C5: variants seen among roughly 807,000 people sequenced by gnomAD.
C5 encodes C3 and PZP-like alpha-2-macroglobulin domain-containing protein 4.
A neutral mutation model predicts 218.8 loss-of-function variants in C5; 140 were observed. That is an observed-to-expected ratio of 0.64 (90% confidence interval 0.56 to 0.74). The LOEUF is 0.74. C5 is among the 30% of genes least tolerant of loss of function. The probability of loss-of-function intolerance (pLI) is 0.00; values close to 1 mark genes in which losing one functional copy is unlikely to be tolerated. For missense variants in C5, 1,700 were observed against 1,969.6 expected (o/e 0.86, Z 2.59); for synonymous variants, 614 against 682.3 (o/e 0.90, Z 1.56).
chr9:121,050,210 G>A lies in C5; in HGVS notation c.37C>T (p.Leu13=). The change falls in exon 1 of 41, where the codon CTG becomes TTG. Residue 13 remains leucine, a synonymous_variant. Transcript: ENST00000223642. ...TGCTCCTGTCCCCAGGTTTTCCCCAGGAAGATTAAAAAACAAAGTATTCCC... is the reference window on the plus strand; with the variant it reads ...TGCTCCTGTCCCCAGGTTTTCCCCAAGAAGATTAAAAAACAAAGTATTCCC... ...LLGILCFLIF[L]GKTWGQEQTY... The A allele has an allele frequency of 1.2e-6, 2 of 1,613,854 alleles. No individual in the cohort carries two copies. Among genetic ancestry groups the A allele is most frequent in the Non-Finnish European group, 1.7e-6 (2 of 1,179,844 alleles).
chr9:121,007,480 G>A lies in C5; in HGVS notation c.2349-503C>T, dbSNP rs150435628. ...GCTCTCAGGCAGTTTACAATCTAGT[G>A]GAAGAAATAGTTAAGTAAATAAATT... On this transcript the variant is annotated intron_variant, in intron 18 of 40. Transcript: ENST00000223642. 2.3e-3 allele frequency among the ~76,000 whole-genome samples: 357 copies of A among 152,198 alleles called. 2 individuals are homozygous for A. Among genetic ancestry groups the A allele is most frequent in the African/African-American group, 8.3e-3 (343 of 41,522 alleles).
chr9:121,024,879 T>C (rs957648992), intron 9 of C5, among the ~76,000 whole-genome samples: 2 of 152,256 alleles, frequency 1.3e-5, no homozygotes, highest in Non-Finnish European at 2.9e-5. Flanking sequence ...CAAGCCTGTC[T>C]GTTTGGCAAT....
At chr9:121,030,168 TTTTC>T (rs1261744048) in intron 7 of C5, among the ~76,000 whole-genome samples, 1 of 152,236 alleles carries the variant, frequency 6.6e-6, no homozygotes, top group Non-Finnish European at 1.5e-5. Context: ...TCTTTGGCAC[TTTTC>T]TTTGTTTTTG....
chr9:120,971,990 CACCTG>C lies in C5; in HGVS notation c.4018-3_4019del. 6.2e-7 allele frequency: 1 copy of C among 1,610,320 alleles called. No homozygotes were observed. The highest frequency in any genetic ancestry group is 8.5e-7 in the Non-Finnish European group (1 of 1,178,754). Reference sequence around the variant, plus strand: ...TGACAATGAGGTCATCATTGAGAAGCACCTGGAAAGATAATAGAGAAACAAACCAT... The same window carrying C: ...TGACAATGAGGTCATCATTGAGAAGCGAAAGATAATAGAGAAACAAACCAT... On this transcript the variant is annotated splice_acceptor_variant and splice_polypyrimidine_tract_variant and coding_sequence_variant and intron_variant, in exon 31 of 41. Transcript: ENST00000223642. LOFTEE classifies it high-confidence loss of function.
chr9:120,993,222 G>C lies in C5; in HGVS notation c.2852-1942C>G, dbSNP rs1272926733. On this transcript the variant is annotated intron_variant, in intron 22 of 40. Coordinates refer to ENST00000223642, the MANE Select transcript of C5 (RefSeq NM_001735.3). ...TAATGGAAGTATAACCATTCTGAAG[G>C]GCAATATGACAGGACTAAATGGCAT... Among the ~76,000 whole-genome samples the C allele has an allele frequency of 2.6e-5, 4 of 152,098 alleles. No individual in the cohort carries two copies. In the East Asian group the frequency reaches 7.7e-4, roughly 29 times the overall value.
chr9:120,979,942 T>C, intron 28 of C5, 141 bp downstream of exon 28: 1 of 719,612 alleles, frequency 1.4e-6, no homozygotes, highest in Non-Finnish European at 2.5e-6. Context: ...CGGCACACAT[T>C]ACATCGTATT....
At chr9:121,007,154 CTT>C (rs1385461131) in intron 18 of C5, among the ~76,000 whole-genome samples, 177 bp from the exon 19 acceptor site, 1 of 152,166 alleles carries the variant, frequency 6.6e-6, no homozygotes. Flanking sequence ...CAGTAACTCT[CTT>C]ATATATTGCA....
chr9:121,000,037 C>A (rs773478578), intron 20 of C5: 8 of 267,148 alleles, frequency 3.0e-5, no homozygotes, highest in African/African-American at 7.6e-5. Context: ...CCAGCCTGGG[C>A]GACAGGGCGA....
chr9:121,043,609 G>A (rs1485535960), intron 2 of C5, among the ~76,000 whole-genome samples: 3 of 150,438 alleles, frequency 2.0e-5, no homozygotes, highest in African/African-American at 4.9e-5. Flanking sequence ...CTCAGCTCAC[G>A]ACAACCTCTG....
At position 120,982,689 on chromosome 9, in the gene C5, T is replaced by C. The variant is rs142341763; in HGVS notation, c.3356A>G (p.Lys1119Arg). 1.7e-4 allele frequency: 268 copies of C among 1,608,686 alleles called. No individual in the cohort carries two copies. In the African/African-American group the frequency reaches 2.9e-3, roughly 18 times the overall value. Residue 1119 changes from lysine to arginine, a missense_variant, in exon 26 of 41, where the codon AAG becomes AGG. Transcript: ENST00000223642. ...TATTGGTTGATACTGTGAATTTTCC[T>C]TGAAAGATCCATTATCTAATTGATA... ...ENYQLDNGSF[K>R]ENSQYQPIKL...
chr9:121,068,396 A>T, the C5 span, among the ~76,000 whole-genome samples: 1 of 152,330 alleles, frequency 6.6e-6, no homozygotes, highest in Non-Finnish European at 1.5e-5. Flanking sequence ...GCTATTAAAA[A>T]AACACCTAGG....
intron 34 of C5, among the ~76,000 whole-genome samples, chr9:120,963,362 C>G (rs2046841840): frequency 6.6e-6 from 1 of 151,978 alleles, no homozygotes; most frequent in South Asian, 2.1e-4. Context: ...AAAAAATTAG[C>G]CAGGTGTGGT....
intron 28 of C5, among the ~76,000 whole-genome samples, chr9:120,977,534 C>T (rs537165025): frequency 1.2e-4 from 18 of 152,266 alleles, no homozygotes; most frequent in Admixed American, 1.1e-3. Flanking sequence ...TAGCTCACTG[C>T]AGCCTCAATC....
chr9:120,961,113 G>A (rs1012064295), intron 37 of C5, among the ~76,000 whole-genome samples: 2 of 152,164 alleles, frequency 1.3e-5, no homozygotes, highest in Non-Finnish European at 2.9e-5. Context: ...ACAATAAACC[G>A]AATTCCATTA....
rs2046917401 is a variant in C5 at position 120,971,927 on chromosome 9, T to G, written c.4080+3A>C. 1 of 1,604,922 alleles carries G rather than the reference T, an allele frequency of 6.2e-7. No homozygotes were observed. Among genetic ancestry groups the G allele is most frequent in the Non-Finnish European group, 8.5e-7 (1 of 1,171,988 alleles). On this transcript the variant is annotated splice_donor_region_variant and intron_variant, in intron 31 of 40. Transcript: ENST00000223642. ...CGTTATTGGATATCAATTAAATACT[T>G]ACATGTACTGTAGCCAAGCCACTGC...
chr9:121,042,218 C>G (rs2047587565), intron 3 of C5, among the ~76,000 whole-genome samples: 1 of 152,152 alleles, frequency 6.6e-6, no homozygotes. Context: ...GCTTTGCAAA[C>G]ACATGAATAT....
chr9:120,977,994 GATT>G (rs140561802), intron 28 of C5, among the ~76,000 whole-genome samples: 64 of 151,486 alleles, frequency 4.2e-4, no homozygotes, highest in Middle Eastern at 3.4e-3. Flanking sequence ...ATATATAAGG[GATT>G]ATTATTATTA....
At chr9:120,964,415 G>A (rs1042779379) in intron 33 of C5, among the ~76,000 whole-genome samples, 1 of 152,184 alleles carries the variant, frequency 6.6e-6, no homozygotes, top group Admixed American at 6.5e-5. Context: ...GCAGTGCGCC[G>A]AGATCGCAGC....
chr9:120,979,958 G>A (rs1175969553), intron 28 of C5, 125 bp downstream of exon 28: 5 of 781,592 alleles, frequency 6.4e-6, no homozygotes, highest in East Asian at 5.1e-5. Flanking sequence ...GTATTGTGAC[G>A]GTTTGTTCCT....
Sources: gnomAD v4.1 joint callset for allele counts (sites outside exome capture counted in the v4.1 genomes callset) on GRCh38, gnomAD v4.1.1 for gene constraint, MANE v1.5 for transcripts, NCBI Gene and HGNC (gene_info 2026-07-23, HGNC 2026-07-21) for gene names.